The following KAZN variants were observed in gnomAD, a reference collection of about 807,000 sequenced individuals.
The protein encoded by KAZN is kazrin, periplakin interacting protein.
A neutral mutation model predicts 87.4 loss-of-function variants in KAZN; 40 were observed. That is an observed-to-expected ratio of 0.46 (90% CI 0.36 to 0.60). The LOEUF (loss-of-function observed/expected upper bound fraction) is 0.60. Ranked by LOEUF, KAZN falls within the 20% of genes least tolerant of loss-of-function variation. KAZN has a pLI of 0.00. For missense variants in KAZN, 898 were observed against 1,073.9 expected, an observed-to-expected ratio of 0.84 and a Z score of 2.29; for synonymous variants, 466 against 458.3, an observed-to-expected ratio of 1.02 and a Z score of -0.22.
At chr1:14,300,990 G>T (rs1356280205) in intron 2 of KAZN, among the ~76,000 whole-genome samples, 2 of 152,154 alleles carry the variant, frequency 1.3e-5, no homozygotes, top group Non-Finnish European at 2.9e-5. Flanking sequence ...TCTTGGGAAA[G>T]AAACCACATT....
chr1:14,878,993 ATCT>A (rs1463621099), intron 1 of KAZN, among the ~76,000 whole-genome samples: 3 of 152,168 alleles, frequency 2.0e-5, no homozygotes, highest in Non-Finnish European at 2.9e-5. Context: ...TTGAAAGGTA[ATCT>A]TCTTGCGGAT....
At position 14,735,591 on chromosome 1, in the gene KAZN, G is replaced by T. The variant is rs901757671; in HGVS notation, c.226+136368G>T. 6.6e-6 allele frequency among the ~76,000 whole-genome samples: 1 copy of T among 152,082 alleles called. No individual in the cohort carries two copies. The highest frequency in any genetic ancestry group is 2.4e-5 in the African/African-American group (1 of 41,416). On this transcript the variant is annotated intron_variant, in intron 1 of 14. Transcript: ENST00000376030. This position sits in a 1 kb window ranked among gnomAD's most constrained non-coding sequence, Gnocchi z 4.3. The stretch of plus-strand genomic sequence containing the variant: ...ACCTAACGGCCGTTTTCACATGGCA[G>T]CCCCCCACGCTGAGATCCATATACC...
chr1:14,293,275 A>G (rs1242386561), intron 2 of KAZN, among the ~76,000 whole-genome samples: 2 of 152,168 alleles, frequency 1.3e-5, no homozygotes, highest in African/African-American at 2.4e-5. Context: ...CTGAGATTCT[A>G]TGTTCTAGGG....
intron 2 of KAZN, among the ~76,000 whole-genome samples, chr1:14,382,458 T>TCCCACCC (rs1553164584): frequency 2.6e-5 from 1 of 38,006 alleles, no homozygotes; most frequent in Non-Finnish European, 4.6e-5. Context: ...CCCAATGCTA[T>TCCCACCC]CCCTCCCCCC....
Position 14,514,399 on chromosome 1 carries a change from A to T in KAZN, c.250-84584A>T, listed in dbSNP as rs1407632638. Among the ~76,000 whole-genome samples, 4 of 25,014 alleles carry T rather than the reference A, an allele frequency of 1.6e-4. 2 individuals carry two copies. Among genetic ancestry groups the T allele is most frequent in the African/African-American group, 3.2e-4 (2 of 6,210 alleles). The allele number at this position is 25,014 out of a possible 152,430, so 16.4% of individuals were successfully genotyped here. A position where few individuals can be genotyped will look rare whatever the true frequency, so the allele number is the denominator to read the frequency against. On this transcript the variant is annotated intron_variant, in intron 2 of 16. Coordinates refer to the KAZN transcript ENST00000636203. Reference sequence around the variant, plus strand: ...TAATATATATATATTATATATATTTATATATATAATATATAAATATATATA... The same window carrying T: ...TAATATATATATATTATATATATTTTTATATATAATATATAAATATATATA...
intron 1 of KAZN, among the ~76,000 whole-genome samples, chr1:14,921,756 G>A (rs910809774): frequency 6.6e-6 from 1 of 152,230 alleles, no homozygotes; most frequent in African/African-American, 2.4e-5. Flanking sequence ...CTGTCGCCTA[G>A]CCTGGAGTGT....
intron 2 of KAZN, among the ~76,000 whole-genome samples, chr1:14,989,686 A>G (rs1667165413): frequency 6.6e-6 from 1 of 152,172 alleles, no homozygotes; most frequent in African/African-American, 2.4e-5. Flanking sequence ...GGGTAGTAGT[A>G]GAACCTGCCT....
At chr1:14,141,195 A>G (rs1247332899) in intron 1 of KAZN, among the ~76,000 whole-genome samples, 2 of 150,432 alleles carry the variant, frequency 1.3e-5, no homozygotes, top group African/African-American at 4.9e-5. Flanking sequence ...GTGGGGAAGC[A>G]TTTGAATCTT....
chr1:14,949,641 C>G lies in KAZN; in HGVS notation c.227-11043C>G, dbSNP rs943071474. ...ATGAAGGTGTTACCCAAACCTCCGG[C>G]AGACCCCAGGGGGCTGCGTCCTGCA... On this transcript the variant is annotated intron_variant, in intron 1 of 14. Transcript: ENST00000376030. This position sits in a 1 kb window ranked among gnomAD's most constrained non-coding sequence, Gnocchi z 4.3. Among the ~76,000 whole-genome samples, 3 of 152,208 alleles carry G rather than the reference C, an allele frequency of 2.0e-5. No homozygotes were observed. Among genetic ancestry groups the G allele is most frequent in the African/African-American group, 7.2e-5 (3 of 41,442 alleles).
In KAZN at chr1:15,046,797, A is replaced by G. The variant is rs536047543; in HGVS notation, c.726+2638A>G. ...CAGGGGGTTCCCACCAGTGGGGTTG[A>G]TAATACTGGAGGCCCTGCTGCTGCG... On this transcript the variant is annotated intron_variant, in intron 4 of 14. Transcript: ENST00000376030. Among the ~76,000 whole-genome samples the G allele has an allele frequency of 7.2e-5, 11 of 152,320 alleles. No individual in the cohort carries two copies. The South Asian group carries it at 1.2e-3, about 17-fold the overall frequency.
At position 13,942,027 on chromosome 1, in the gene KAZN, C is replaced by T. The variant is rs544681935; in HGVS notation, c.91+48271C>T. Among the ~76,000 whole-genome samples, 28 of 152,184 alleles carry T rather than the reference C, an allele frequency of 1.8e-4. No homozygotes were observed. The South Asian group carries it at 4.4e-3, about 24-fold the overall frequency. On this transcript the variant is annotated intron_variant, in intron 1 of 16. Transcript: ENST00000636203. ...TTTTGGAAGTCTTATGGGTCTGGGC[C>T]AACAAATATTGAAATTAAGGTCTGC...
chr1:14,991,646 C>A (rs556840196), intron 2 of KAZN, among the ~76,000 whole-genome samples: 1 of 152,308 alleles, frequency 6.6e-6, no homozygotes, highest in Admixed American at 6.5e-5. Flanking sequence ...ATGTGCATGG[C>A]CACACATACC....
At chr1:14,284,831 G>A (rs1485203733) in intron 2 of KAZN, among the ~76,000 whole-genome samples, 1 of 152,194 alleles carries the variant, frequency 6.6e-6, no homozygotes, top group Non-Finnish European at 1.5e-5. Context: ...GAGAAACGAA[G>A]TGGCTTCATG....
At chr1:14,511,041 C>T (rs899501713) in intron 2 of KAZN, among the ~76,000 whole-genome samples, 2 of 151,636 alleles carry the variant, frequency 1.3e-5, no homozygotes, top group Non-Finnish European at 2.9e-5. Flanking sequence ...ATTCTGTAAC[C>T]TTCACCAATA....
At chr1:14,398,283 T>C (rs1663070195) in intron 2 of KAZN, among the ~76,000 whole-genome samples, 1 of 152,252 alleles carries the variant, frequency 6.6e-6, no homozygotes, top group South Asian at 2.1e-4. Context: ...GATATAGTGA[T>C]TAAAAGTGTG....
intron 2 of KAZN, among the ~76,000 whole-genome samples, chr1:14,510,727 A>G (rs1308741283): frequency 6.6e-6 from 1 of 152,164 alleles, no homozygotes; most frequent in Non-Finnish European, 1.5e-5. Context: ...AGAGAGAGTC[A>G]ATGTTGATCA....
At position 14,727,450 on chromosome 1, in the gene KAZN, C is replaced by CTTTTTTTTTTTTTTTTTTTTTTTTTTTT. The variant is rs57203868; in HGVS notation, c.226+128246_226+128273dup. The stretch of plus-strand genomic sequence containing the variant: ...GTCCATCACATTTATTGTGCACTTT[C>CTTTTTTTTTTTTTTTTTTTTTTTTTTTT]TTTTTTTTTTTTTTTTTTTTTTTTT... On this transcript the variant is annotated intron_variant, in intron 1 of 14. Coordinates refer to ENST00000376030, the MANE Select transcript of KAZN (RefSeq NM_201628.3). Among the ~76,000 whole-genome samples, 4 of 73,920 alleles carry CTTTTTTTTTTTTTTTTTTTTTTTTTTTT rather than the reference C, an allele frequency of 5.4e-5. 1 individual carries two copies. The highest frequency in any genetic ancestry group is 7.7e-5 in the Non-Finnish European group (3 of 38,998). The allele number at this position is 73,920 out of a possible 152,430, so 48.5% of individuals were successfully genotyped here.
At chr1:13,989,680 G>A (rs903998208) in intron 1 of KAZN, among the ~76,000 whole-genome samples, 7 of 152,118 alleles carry the variant, frequency 4.6e-5, no homozygotes, top group Admixed American at 1.3e-4. Flanking sequence ...CTGTACTAGC[G>A]GGAGCTTACA....
intron 1 of KAZN, among the ~76,000 whole-genome samples, chr1:14,015,631 CCA>C (rs1357911338): frequency 1.4e-5 from 2 of 147,908 alleles, no homozygotes; most frequent in Non-Finnish European, 3.0e-5. Flanking sequence ...CAGGTGCCTG[CCA>C]CCACACCCAG....
Sources: allele counts gnomAD v4.1 joint callset (sites outside exome capture counted in the v4.1 genomes callset), GRCh38; gene constraint gnomAD v4.1.1; non-coding constraint Gnocchi (gnomAD v3.1); transcripts MANE v1.5; gene names NCBI Gene and HGNC (gene_info 2026-07-23, HGNC 2026-07-21).